Variants in NEK10 observed in about 807,000 individuals in gnomAD.
NEK10 encodes the protein serine/threonine-protein kinase Nek10.
NEK10 carries 122 observed loss-of-function variants against 159.8 expected under a neutral mutation model. That is an observed-to-expected ratio of 0.76 (90% CI 0.66 to 0.89). The LOEUF is 0.89. Among genes scored for constraint, NEK10 ranks in the 40% least tolerant of loss-of-function variants. The probability of loss-of-function intolerance (pLI) is 0.00; values close to 1 mark genes in which losing one functional copy is unlikely to be tolerated. For missense variants in NEK10, 1,342 were observed against 1,323.1 expected (o/e 1.01, Z -0.22); for synonymous variants, 466 against 457.1 (o/e 1.02, Z -0.25).
At chr3:27,265,955 C>T (rs1052391659) in intron 22 of NEK10, among the ~76,000 whole-genome samples, 13 of 151,656 alleles carry the variant, frequency 8.6e-5, no homozygotes, top group African/African-American at 2.7e-4. Flanking sequence ...TACAGGTGTC[C>T]GCCACCACGC....
intron 11 of NEK10, among the ~76,000 whole-genome samples, chr3:27,305,614 TAAAA>T (rs760028989): frequency 8.9e-6 from 1 of 112,310 alleles, no homozygotes; most frequent in African/African-American, 4.5e-5. Context: ...TGCTAAAGAC[TAAAA>T]AAAAAAAAAA....
At chr3:27,290,248 T>C (rs1414796974) in intron 19 of NEK10, among the ~76,000 whole-genome samples, 1 of 152,240 alleles carries the variant, frequency 6.6e-6, no homozygotes, top group Non-Finnish European at 1.5e-5. Flanking sequence ...TTGGTTCCAT[T>C]TGGCAAAAGT....
At chr3:27,193,069 G>A (rs535491937) in intron 25 of NEK10, among the ~76,000 whole-genome samples, 5 of 152,212 alleles carry the variant, frequency 3.3e-5, no homozygotes, top group Non-Finnish European at 7.3e-5. Flanking sequence ...CTGGTATGGT[G>A]TTTGAACGAG....
At chr3:27,214,476 G>A (rs1951298099) in intron 23 of NEK10, among the ~76,000 whole-genome samples, 1 of 152,138 alleles carries the variant, frequency 6.6e-6, no homozygotes, top group Admixed American at 6.5e-5. Context: ...GCAAGAAGCT[G>A]AATGGCCTAC....
chr3:27,270,397 T>C (rs1035761613), intron 22 of NEK10, among the ~76,000 whole-genome samples: 1 of 152,188 alleles, frequency 6.6e-6, no homozygotes, highest in African/African-American at 2.4e-5. Flanking sequence ...AGGCTTCAGA[T>C]GATGCATCCC....
intron 30 of NEK10, among the ~76,000 whole-genome samples, chr3:27,145,751 A>G (rs1944236549): frequency 6.6e-6 from 1 of 151,920 alleles, no homozygotes; most frequent in Admixed American, 6.6e-5. Flanking sequence ...CATTTTACAG[A>G]TGAGGAGACT....
At chr3:27,337,213 C>T (rs2046866013) in intron 5 of NEK10, among the ~76,000 whole-genome samples, 1 of 152,002 alleles carries the variant, frequency 6.6e-6, no homozygotes, top group Admixed American at 6.6e-5. Flanking sequence ...GAGGACAATC[C>T]TATTTCCGAT....
intron 29 of NEK10, among the ~76,000 whole-genome samples, chr3:27,171,514 C>T (rs1275877825): frequency 2.0e-5 from 3 of 152,064 alleles, no homozygotes; most frequent in East Asian, 1.9e-4. Context: ...ACCAGGGCTC[C>T]AGATGACCTC....
chr3:27,179,344 T>C (rs1822856), intron 26 of NEK10, among the ~76,000 whole-genome samples: 1 of 152,230 alleles, frequency 6.6e-6, no homozygotes, highest in Non-Finnish European at 1.5e-5. Flanking sequence ...CTCATTATTA[T>C]ACTATCTTAA....
chr3:27,262,661 G>A (rs1367845842), intron 22 of NEK10, among the ~76,000 whole-genome samples: 1 of 152,082 alleles, frequency 6.6e-6, no homozygotes, highest in Non-Finnish European at 1.5e-5. Flanking sequence ...TGTAGTTCTC[G>A]TGCCTTGGTT....
At chr3:27,223,236 G>T (rs913974852) in intron 23 of NEK10, among the ~76,000 whole-genome samples, 2 of 151,998 alleles carry the variant, frequency 1.3e-5, no homozygotes, top group Admixed American at 1.3e-4. Context: ...CTCCATCAAC[G>T]GCTCTTTCCT....
rs142092060 is a variant in NEK10 at position 27,179,081 on chromosome 3, T to C, written c.2506-4248A>G. Reference sequence around the variant, plus strand: ...CTGTGTCCAGCTTTCCCAAAATGGTTTGGATGGTAACATCGTCTATTTTCA... The same window carrying C: ...CTGTGTCCAGCTTTCCCAAAATGGTCTGGATGGTAACATCGTCTATTTTCA... On this transcript the variant is annotated intron_variant, in intron 26 of 35. Coordinates refer to ENST00000691995, the MANE Select transcript of NEK10 (RefSeq NM_001394966.1). Among the ~76,000 whole-genome samples, 916 of 152,284 alleles carry C rather than the reference T, an allele frequency of 6.0e-3. 6 individuals are homozygous for C. The highest frequency in any genetic ancestry group is 8.8e-3 in the Non-Finnish European group (596 of 68,018).
intron 26 of NEK10, among the ~76,000 whole-genome samples, chr3:27,181,712 T>C (rs1460695006): frequency 5.9e-5 from 9 of 152,170 alleles, no homozygotes; most frequent in Admixed American, 2.6e-4. Flanking sequence ...TTAAATATAG[T>C]TTTATTTATC....
intron 23 of NEK10, among the ~76,000 whole-genome samples, chr3:27,243,830 G>GGTGTGTGTGTGT (rs56720203): frequency 6.7e-6 from 1 of 148,272 alleles, no homozygotes; most frequent in Non-Finnish European, 1.5e-5. Context: ...TGACACCATG[G>GGTGTGTGTGTGT]GTGTGTGTGT....
At chr3:27,152,321 G>C (rs1161252843) in intron 30 of NEK10, among the ~76,000 whole-genome samples, 1 of 152,094 alleles carries the variant, frequency 6.6e-6, no homozygotes, top group Non-Finnish European at 1.5e-5. Flanking sequence ...AAGCTAGAAG[G>C]GATTGGAGCC....
intron 13 of NEK10, among the ~76,000 whole-genome samples, chr3:27,297,506 G>A (rs1164340751): frequency 6.6e-6 from 1 of 152,150 alleles, no homozygotes; most frequent in Admixed American, 6.5e-5. Flanking sequence ...CGTACCAGGA[G>A]GCAAGTATTG....
At chr3:27,321,753 G>A (rs1258552726) in intron 6 of NEK10, among the ~76,000 whole-genome samples, 1 of 152,090 alleles carries the variant, frequency 6.6e-6, no homozygotes, top group African/African-American at 2.4e-5. Context: ...ATTGACCCTG[G>A]AGCAGCTAGT....
chr3:27,355,070 C>G (rs1487999473), intron 1 of NEK10, among the ~76,000 whole-genome samples: 1 of 152,200 alleles, frequency 6.6e-6, no homozygotes, highest in Non-Finnish European at 1.5e-5. Flanking sequence ...ATCAACGACT[C>G]CATGTGGAAG....
At chr3:27,340,829 A>G (rs2047152473) in intron 5 of NEK10, among the ~76,000 whole-genome samples, 2 of 152,220 alleles carry the variant, frequency 1.3e-5, no homozygotes, top group African/African-American at 4.8e-5. Context: ...CACATGATCC[A>G]GCAATTCTGC....
Sources: allele counts gnomAD v4.1 joint callset (sites outside exome capture counted in the v4.1 genomes callset), GRCh38; gene constraint gnomAD v4.1.1; transcripts MANE v1.5; gene names NCBI Gene and HGNC (gene_info 2026-07-23, HGNC 2026-07-21).